COL21A1: variants seen among roughly 807,000 people sequenced by gnomAD.
The protein encoded by COL21A1 is collagen type XXI alpha 1 chain, also known as collagen alpha-1(XXI) chain.
Under a neutral mutation model 137.9 loss-of-function variants are expected in COL21A1, and 149 were observed. The ratio of observed to expected loss-of-function variants is 1.08; its 90% CI spans 0.95 to 1.24. COL21A1 has a LOEUF of 1.24. Among genes scored for constraint, COL21A1 ranks in the 50% most tolerant of loss-of-function variants. The probability of loss-of-function intolerance (pLI) is 0.00; values close to 1 mark genes in which losing one functional copy is unlikely to be tolerated. For synonymous variants in COL21A1, 456 were observed against 391.5 expected (o/e 1.16, Z -1.95); for missense variants, 1,167 against 1,158.4 (o/e 1.01, Z -0.11).
At chr6:56,283,885 C>CTCTG (rs1763843345) in intron 1 of COL21A1, among the ~76,000 whole-genome samples, 1 of 151,962 alleles carries the variant, frequency 6.6e-6, no homozygotes, top group Non-Finnish European at 1.5e-5. Flanking sequence ...CTCTCTCTCT[C>CTCTG]TCTCTCTCTC....
chr6:56,289,692 C>G (rs1321177565), intron 1 of COL21A1, among the ~76,000 whole-genome samples: 1 of 152,132 alleles, frequency 6.6e-6, no homozygotes, highest in Non-Finnish European at 1.5e-5. Flanking sequence ...CCGGGAATAC[C>G]AACCTGGAGA....
chr6:56,087,425 T>A (rs1768371999), intron 17 of COL21A1, among the ~76,000 whole-genome samples: 1 of 152,220 alleles, frequency 6.6e-6, no homozygotes, highest in Admixed American at 6.5e-5. Context: ...ACCATTCAGA[T>A]GTCTTCAGTA....
At position 56,124,297 on chromosome 6, in the gene COL21A1, A is replaced by G; in HGVS notation, c.1651-5T>C. 1.9e-6 allele frequency: 3 copies of G among 1,597,858 alleles called. No homozygotes were observed. The highest frequency in any genetic ancestry group is 2.6e-6 in the Non-Finnish European group (3 of 1,171,398). On this transcript the variant is annotated splice_polypyrimidine_tract_variant and splice_region_variant and intron_variant, in intron 14 of 29. Transcript: ENST00000244728. ...CCCCTTTTCACCTTTTGCACCCTGT[A>G]TCGAAAACAAACACTTAAAACACAA...
intron 1 of COL21A1, among the ~76,000 whole-genome samples, chr6:56,239,796 T>C (rs1185828864): frequency 6.6e-6 from 1 of 152,148 alleles, no homozygotes; most frequent in Admixed American, 6.5e-5. Context: ...GCCAATGTGA[T>C]TGTATTAAGC....
intron 1 of COL21A1, among the ~76,000 whole-genome samples, chr6:56,209,283 T>G (rs1779999002): frequency 6.6e-6 from 1 of 152,022 alleles, no homozygotes; most frequent in African/African-American, 2.4e-5. Flanking sequence ...ACAAATGGGA[T>G]CTAATTAAAC....
At chr6:56,095,216 AC>A (rs1373585205) in intron 17 of COL21A1, among the ~76,000 whole-genome samples, 1 of 152,170 alleles carries the variant, frequency 6.6e-6, no homozygotes, top group African/African-American at 2.4e-5. Flanking sequence ...ATTTAAACAT[AC>A]TTTAGGATCA....
upstream of COL21A1, among the ~76,000 whole-genome samples, chr6:56,250,342 G>A (rs560348131): frequency 1.3e-5 from 2 of 152,208 alleles, no homozygotes; most frequent in African/African-American, 4.8e-5. Context: ...TTAAAGCAGA[G>A]AGGTTTCCTC....
chr6:56,246,297 T>C (rs1191399310), intron 1 of COL21A1, among the ~76,000 whole-genome samples: 1 of 152,242 alleles, frequency 6.6e-6, no homozygotes, highest in Non-Finnish European at 1.5e-5. Flanking sequence ...CAAAGATTCC[T>C]GTTATTACAG....
In COL21A1 at chr6:56,306,884, C is replaced by T. The variant is rs1408664722; in HGVS notation, c.-39+87087G>A. Among the ~76,000 whole-genome samples, 9 of 152,216 alleles carry T rather than the reference C, an allele frequency of 5.9e-5. No homozygotes were observed. The South Asian group carries it at 8.3e-4, about 14-fold the overall frequency. On this transcript the variant is annotated intron_variant, in intron 1 of 28. Transcript: ENST00000370819. ...TACCTTTTGTCTTTGATGATGGTGA[C>T]GTACAGATGGGGTTTTGGTGTGGAT...
chr6:56,069,513 A>T (rs1422619633), intron 21 of COL21A1, among the ~76,000 whole-genome samples: 1 of 150,814 alleles, frequency 6.6e-6, no homozygotes, highest in Non-Finnish European at 1.5e-5. Context: ...ACTTTAAAAA[A>T]AGCTTATTTT....
intron 1 of COL21A1, among the ~76,000 whole-genome samples, chr6:56,350,776 T>A (rs1016678007): frequency 1.3e-5 from 2 of 152,170 alleles, no homozygotes; most frequent in Non-Finnish European, 2.9e-5. Context: ...CCTAGGGCCT[T>A]GGACTAGAGA....
At chr6:56,175,013 A>C (rs1416507208) in intron 3 of COL21A1, among the ~76,000 whole-genome samples, 1 of 152,106 alleles carries the variant, frequency 6.6e-6, no homozygotes, top group Admixed American at 6.6e-5. Flanking sequence ...AAAATCAATA[A>C]ATGTGTCATT....
At chr6:56,163,611 A>T (rs901111676) in intron 9 of COL21A1, among the ~76,000 whole-genome samples, 1 of 152,032 alleles carries the variant, frequency 6.6e-6, no homozygotes, top group Non-Finnish European at 1.5e-5. Context: ...CGGGAGGCTG[A>T]GGCAGGGAAA....
At chr6:56,255,998 T>C (rs1397036342) in intron 1 of COL21A1, among the ~76,000 whole-genome samples, 1 of 152,192 alleles carries the variant, frequency 6.6e-6, no homozygotes, top group Non-Finnish European at 1.5e-5. Context: ...ATTGCTGAAG[T>C]CTAAGGATAT....
chr6:56,068,714 C>A, intron 22 of COL21A1: 1 of 175,724 alleles, frequency 5.7e-6, no homozygotes, highest in Non-Finnish European at 1.2e-5. Context: ...GAATGCCTGA[C>A]ATTGGACAAT....
At chr6:56,106,781 A>G (rs1482023295) in intron 16 of COL21A1, among the ~76,000 whole-genome samples, 2 of 151,248 alleles carry the variant, frequency 1.3e-5, no homozygotes, top group African/African-American at 2.4e-5. Context: ...TGGATTAACA[A>G]ACATTATACA....
At chr6:56,072,269 G>A (rs1038609623) in intron 20 of COL21A1, among the ~76,000 whole-genome samples, 21 of 151,592 alleles carry the variant, frequency 1.4e-4, no homozygotes, top group African/African-American at 4.3e-4. Context: ...ATGAACATAC[G>A]TGTGCTTGTA....
intron 1 of COL21A1, among the ~76,000 whole-genome samples, chr6:56,232,267 C>A (rs1453118598): frequency 1.3e-5 from 2 of 151,774 alleles, no homozygotes; most frequent in African/African-American, 4.8e-5. Flanking sequence ...AACTAAAAAT[C>A]ATTCTAATTA....
intron 1 of COL21A1, among the ~76,000 whole-genome samples, chr6:56,367,181 G>A (rs576809830): frequency 6.6e-6 from 1 of 152,222 alleles, no homozygotes; most frequent in East Asian, 1.9e-4. Flanking sequence ...ACTGATTACT[G>A]TTCATATATA....
Sources: allele counts gnomAD v4.1 joint callset (sites outside exome capture counted in the v4.1 genomes callset), GRCh38; gene constraint gnomAD v4.1.1; transcripts MANE v1.5; gene names NCBI Gene and HGNC (gene_info 2026-07-23, HGNC 2026-07-21).